Variants in ITGA8 observed in about 807,000 individuals in gnomAD.
ITGA8 encodes integrin alpha-8.
In ITGA8, 91 loss-of-function variants were observed where a neutral mutation model predicts 142.3. The ratio of observed to expected loss-of-function variants is 0.64; its 90% confidence interval spans 0.54 to 0.76. ITGA8 has a LOEUF of 0.76. Among genes scored for constraint, ITGA8 ranks in the 30% least tolerant of loss-of-function variants. The probability of loss-of-function intolerance (pLI) is 0.00; values close to 1 mark genes in which losing one functional copy is unlikely to be tolerated. For synonymous variants in ITGA8, 505 were observed against 485.2 expected (o/e 1.04, Z -0.54); for missense variants, 1,406 against 1,327.7 (o/e 1.06, Z -0.92).
chr10:15,570,942 G>A (rs1834169855), intron 25 of ITGA8, among the ~76,000 whole-genome samples: 1 of 152,260 alleles, frequency 6.6e-6, no homozygotes, highest in East Asian at 1.9e-4. Flanking sequence ...TGCAGGATAT[G>A]TAAAAGTGTT....
chr10:15,690,802 G>A (rs1834919520), intron 2 of ITGA8, among the ~76,000 whole-genome samples: 1 of 152,074 alleles, frequency 6.6e-6, no homozygotes, highest in Non-Finnish European at 1.5e-5. Flanking sequence ...AGAAGCTTCA[G>A]AGAAACTATA....
At chr10:15,672,143 C>A (rs1218504059) in intron 7 of ITGA8, among the ~76,000 whole-genome samples, 1 of 152,170 alleles carries the variant, frequency 6.6e-6, no homozygotes, top group African/African-American at 2.4e-5. Flanking sequence ...GCTACATTGA[C>A]AAAACATAGC....
At chr10:15,679,202 A>G (rs1178221304) in intron 4 of ITGA8, among the ~76,000 whole-genome samples, 1 of 152,228 alleles carries the variant, frequency 6.6e-6, no homozygotes, top group Non-Finnish European at 1.5e-5. Context: ...AAGAAGGGGC[A>G]GTGCAAGATG....
intron 13 of ITGA8, among the ~76,000 whole-genome samples, chr10:15,632,767 T>G (rs1270525111): frequency 6.6e-6 from 1 of 152,140 alleles, no homozygotes; most frequent in Non-Finnish European, 1.5e-5. Context: ...GTTAACCAAT[T>G]TTTAACACAC....
At chr10:15,615,235 G>A (rs779045784) in intron 14 of ITGA8, among the ~76,000 whole-genome samples, 5 of 152,170 alleles carry the variant, frequency 3.3e-5, no homozygotes, top group East Asian at 3.9e-4. Flanking sequence ...CACAGCCACC[G>A]CAAACGCAAG....
chr10:15,577,935 C>A (rs1834330527), intron 23 of ITGA8, among the ~76,000 whole-genome samples: 1 of 151,974 alleles, frequency 6.6e-6, no homozygotes, highest in Non-Finnish European at 1.5e-5. Context: ...TTGGGAGAAG[C>A]AAGGAATTAG....
chr10:15,694,259 T>C (rs964863098), intron 2 of ITGA8, among the ~76,000 whole-genome samples: 1 of 101,530 alleles, frequency 9.8e-6, no homozygotes, highest in Non-Finnish European at 2.2e-5. Flanking sequence ...TGATAACATA[T>C]ACATCAGATA....
intron 9 of ITGA8, 100 bp downstream of exon 9, chr10:15,660,779 A>C: frequency 2.1e-6 from 2 of 950,884 alleles, no homozygotes; most frequent in Non-Finnish European, 1.7e-6. Context: ...TTCAACTGAC[A>C]GTATTTTCAA....
chr10:15,598,005 C>T (rs1418474406), intron 20 of ITGA8, among the ~76,000 whole-genome samples: 1 of 152,132 alleles, frequency 6.6e-6, no homozygotes, highest in East Asian at 1.9e-4. Flanking sequence ...CCCTTGGCTT[C>T]CAGCTCCTCT....
At chr10:15,687,523 G>C (rs1344629743) in intron 3 of ITGA8, among the ~76,000 whole-genome samples, 1 of 152,124 alleles carries the variant, frequency 6.6e-6, no homozygotes. Context: ...TATTATGAAA[G>C]ACAGCTTTCC....
At chr10:15,605,879 G>A (rs929350536) in intron 18 of ITGA8, 88 bp from the exon 19 acceptor site, 22 of 1,190,932 alleles carry the variant, frequency 1.8e-5, no homozygotes, top group African/African-American at 1.4e-4. Context: ...TGCCACAAAC[G>A]GAACCAGAGC....
intron 2 of ITGA8, among the ~76,000 whole-genome samples, chr10:15,705,080 G>A (rs1052905590): frequency 2.0e-5 from 3 of 152,068 alleles, no homozygotes; most frequent in Non-Finnish European, 4.4e-5. Context: ...TTCTGTGTCT[G>A]TAATTTATCC....
At chr10:15,561,211 A>ATATATATATATATATATATATATATG (rs1564352138) in intron 25 of ITGA8, among the ~76,000 whole-genome samples, 11 of 83,172 alleles carry the variant, frequency 1.3e-4, no homozygotes, top group East Asian at 4.1e-4. Flanking sequence ...TCTGTTGGCT[A>ATATATATATATATATATATATATATG]TATATATATA....
At chr10:15,706,101 G>A (rs1479498814) in intron 2 of ITGA8, among the ~76,000 whole-genome samples, 1 of 152,080 alleles carries the variant, frequency 6.6e-6, no homozygotes, top group Non-Finnish European at 1.5e-5. Flanking sequence ...GACATCTGTT[G>A]GGAGGTCTAA....
intron 10 of ITGA8, among the ~76,000 whole-genome samples, chr10:15,656,530 A>T (rs996284838): frequency 6.6e-6 from 1 of 151,458 alleles, no homozygotes; most frequent in Non-Finnish European, 1.5e-5. Flanking sequence ...TGCCCAGCTA[A>T]TTTTTCTATT....
chr10:15,702,488 A>G (rs980563136), intron 2 of ITGA8, among the ~76,000 whole-genome samples: 10 of 152,000 alleles, frequency 6.6e-5, no homozygotes, highest in Non-Finnish European at 1.0e-4. Flanking sequence ...ATGGGGTTTC[A>G]CCATGTTGGT....
intron 4 of ITGA8, among the ~76,000 whole-genome samples, chr10:15,682,598 T>A (rs1026288352): frequency 2.6e-5 from 4 of 152,156 alleles, no homozygotes; most frequent in Admixed American, 6.5e-5. Flanking sequence ...CGCACGACTG[T>A]AATCCCAGCA....
In ITGA8 at chr10:15,627,943, C is replaced by T. The variant is rs1438414540; in HGVS notation, c.1400-11384G>A. ...GCAGTAAAGAAGTCGGTCAAAACCA[C>T]CAAAACCGAGATGGTGACGGGAGTG... On this transcript the variant is annotated intron_variant, in intron 13 of 29. Coordinates refer to ENST00000378076, the MANE Select transcript of ITGA8 (RefSeq NM_003638.3). Among the ~76,000 whole-genome samples the T allele has an allele frequency of 2.7e-5, 4 of 150,032 alleles. No individual in the cohort carries two copies. The East Asian group carries it at 7.9e-4, about 29-fold the overall frequency.
At chr10:15,689,655 T>C (rs867797930) in intron 2 of ITGA8, among the ~76,000 whole-genome samples, 2 of 152,222 alleles carry the variant, frequency 1.3e-5, no homozygotes, top group Non-Finnish European at 2.9e-5. Flanking sequence ...CTGAGCCATC[T>C]GGAAACAGGA....
Sources: gnomAD v4.1 joint callset for allele counts (sites outside exome capture counted in the v4.1 genomes callset) on GRCh38, gnomAD v4.1.1 for gene constraint, MANE v1.5 for transcripts, NCBI Gene and HGNC (gene_info 2026-07-23, HGNC 2026-07-21) for gene names.